SHISA6: variants seen among roughly 807,000 people sequenced by gnomAD.
The protein encoded by SHISA6 is protein shisa-6.
SHISA6 carries 22 observed loss-of-function variants against 47.9 expected under a neutral mutation model. The ratio of observed to expected loss-of-function variants is 0.46; its 90% CI spans 0.33 to 0.66. The LOEUF (loss-of-function observed/expected upper bound fraction) is 0.66, where lower values mean the gene tolerates loss of function less well. Ranked by LOEUF, SHISA6 falls within the 30% of genes least tolerant of loss-of-function variation. The pLI, the probability that SHISA6 is intolerant of heterozygous loss-of-function variation, is 0.02. For missense variants in SHISA6, 680 were observed against 764.6 expected (o/e 0.89, Z 1.30); for synonymous variants, 388 against 337.8 (o/e 1.15, Z -1.63).
At chr17:11,480,276 A>T (rs1055517535) in intron 3 of SHISA6, among the ~76,000 whole-genome samples, 2 of 152,010 alleles carry the variant, frequency 1.3e-5, no homozygotes, top group African/African-American at 4.8e-5. Flanking sequence ...TTTTGCATTT[A>T]TTCTACTTTG....
intron 2 of SHISA6, among the ~76,000 whole-genome samples, chr17:11,345,630 A>G (rs1350309130): frequency 6.6e-6 from 1 of 151,940 alleles, no homozygotes; most frequent in East Asian, 1.9e-4. Flanking sequence ...ATTTATTTAG[A>G]TCTTCTTTAA....
rs1253135623 is a variant in SHISA6, at chr17:11,563,397, T to A, written c.*5093T>A. On this transcript the variant is annotated 3_prime_UTR_variant, in exon 6 of 6. Coordinates refer to ENST00000441885, the MANE Select transcript of SHISA6 (RefSeq NM_207386.4). Reference sequence around the variant, plus strand: ...CGTCATGACACTACCGTCCTCCCGGTGAAGGCTTGTGAAGCAAGAATGGAG... The same window carrying A: ...CGTCATGACACTACCGTCCTCCCGGAGAAGGCTTGTGAAGCAAGAATGGAG... 4 of 152,218 alleles carry A rather than the reference T, an allele frequency of 2.6e-5. No individual in the cohort carries two copies. The highest frequency in any genetic ancestry group is 3.2e-3 in the Middle Eastern group (1 of 316). 9.4% of individuals were successfully genotyped at this position (152,218 alleles called of 1,614,324 possible).
chr17:11,246,243 C>T (rs966457989), intron 1 of SHISA6, among the ~76,000 whole-genome samples: 5 of 152,190 alleles, frequency 3.3e-5, no homozygotes, highest in African/African-American at 4.8e-5. Flanking sequence ...GTAATCCCAG[C>T]ACTTTGGGAG....
intron 2 of SHISA6, among the ~76,000 whole-genome samples, chr17:11,270,664 A>G (rs948661857): frequency 2.6e-5 from 4 of 152,240 alleles, no homozygotes; most frequent in African/African-American, 7.2e-5. Flanking sequence ...GCGTGTTTTC[A>G]TAAAATTTGG....
At chr17:11,398,356 A>AT (rs1038249512) in intron 3 of SHISA6, among the ~76,000 whole-genome samples, 2 of 151,990 alleles carry the variant, frequency 1.3e-5, no homozygotes, top group African/African-American at 4.8e-5. Context: ...GTGTCCTCTG[A>AT]TTTTTTTGGT....
intron 3 of SHISA6, among the ~76,000 whole-genome samples, chr17:11,486,120 ACT>A (rs1916342302): frequency 6.6e-6 from 1 of 152,160 alleles, no homozygotes; most frequent in African/African-American, 2.4e-5. Flanking sequence ...GCCGCAGCTC[ACT>A]GTGATTCTAA....
intron 3 of SHISA6, among the ~76,000 whole-genome samples, chr17:11,463,602 AG>A (rs1170138584): frequency 1.3e-5 from 2 of 152,204 alleles, no homozygotes; most frequent in African/African-American, 4.8e-5. Context: ...TTTATATAAA[AG>A]TGAGATTACC....
intron 3 of SHISA6, among the ~76,000 whole-genome samples, chr17:11,480,337 G>A (rs1226598004): frequency 6.6e-6 from 1 of 151,868 alleles, no homozygotes; most frequent in Non-Finnish European, 1.5e-5. Context: ...ATTAATTTGG[G>A]GAACCTATCA....
chr17:11,245,747 G>GGT (rs200870796), intron 1 of SHISA6, among the ~76,000 whole-genome samples: 2,111 of 138,500 alleles, frequency 0.015, 71 homozygotes, highest in African/African-American at 0.057. Flanking sequence ...ATGTGGGCAG[G>GGT]GTGGGGGGGG....
chr17:11,354,003 A>G (rs950738244), intron 2 of SHISA6, among the ~76,000 whole-genome samples: 7 of 152,096 alleles, frequency 4.6e-5, no homozygotes, highest in African/African-American at 1.4e-4. Context: ...TTTAGGCTGG[A>G]TAAATCTTTG....
chr17:11,283,787 A>T (rs1909203896), intron 2 of SHISA6, among the ~76,000 whole-genome samples: 1 of 152,240 alleles, frequency 6.6e-6, no homozygotes, highest in Admixed American at 6.5e-5. Flanking sequence ...TTTAGTGACT[A>T]ATGGGAAAAT....
intron 2 of SHISA6, among the ~76,000 whole-genome samples, chr17:11,284,679 A>C (rs1017189495): frequency 2.0e-5 from 3 of 152,212 alleles, no homozygotes; most frequent in Non-Finnish European, 4.4e-5. Context: ...AGTTCTCTAT[A>C]ATAAAATAAT....
intron 2 of SHISA6, among the ~76,000 whole-genome samples, chr17:11,371,042 T>C (rs774996588): frequency 2.0e-5 from 3 of 152,188 alleles, no homozygotes; most frequent in Non-Finnish European, 2.9e-5. Context: ...GAGGACACAG[T>C]CTTCATGGGC....
intron 2 of SHISA6, among the ~76,000 whole-genome samples, chr17:11,355,386 T>A (rs1037901559): frequency 6.6e-6 from 1 of 152,234 alleles, no homozygotes; most frequent in African/African-American, 2.4e-5. Flanking sequence ...TACTTTTTTC[T>A]TTATCTAGCA....
intron 1 of SHISA6, among the ~76,000 whole-genome samples, chr17:11,254,819 ATAAATAG>A (rs1398393404): frequency 6.6e-6 from 1 of 152,206 alleles, no homozygotes; most frequent in African/African-American, 2.4e-5. Context: ...CTTCTCCCTA[ATAAATAG>A]GCACTCCTAG....
intron 2 of SHISA6, among the ~76,000 whole-genome samples, chr17:11,332,006 T>C (rs1430277833): frequency 1.3e-5 from 2 of 151,980 alleles, no homozygotes; most frequent in East Asian, 3.9e-4. Flanking sequence ...CCTTCAGTTC[T>C]CATCCATCTT....
At chr17:11,265,010 A>G (rs1908373676) in intron 2 of SHISA6, among the ~76,000 whole-genome samples, 1 of 152,188 alleles carries the variant, frequency 6.6e-6, no homozygotes, top group Non-Finnish European at 1.5e-5. Flanking sequence ...CAAAATGTCT[A>G]AGATGCATTT....
chr17:11,484,549 C>T (rs1032069364), intron 3 of SHISA6, among the ~76,000 whole-genome samples: 1 of 152,094 alleles, frequency 6.6e-6, no homozygotes, highest in Non-Finnish European at 1.5e-5. Context: ...TACAGGCATG[C>T]ACTACCACGC....
At chr17:11,524,666 T>G (rs2142365612) in intron 3 of SHISA6, among the ~76,000 whole-genome samples, 1 of 152,194 alleles carries the variant, frequency 6.6e-6, no homozygotes, top group African/African-American at 2.4e-5. Flanking sequence ...TCAGCTAATT[T>G]TTTTGTATTT....
Sources: gnomAD v4.1 joint callset for allele counts (sites outside exome capture counted in the v4.1 genomes callset) on GRCh38, gnomAD v4.1.1 for gene constraint, MANE v1.5 for transcripts, NCBI Gene and HGNC (gene_info 2026-07-23, HGNC 2026-07-21) for gene names.